Variants in LRRIQ1 observed in about 807,000 individuals in gnomAD.
LRRIQ1 encodes the protein leucine rich repeats and IQ motif containing 1.
LRRIQ1 carries 210 observed loss-of-function variants against 211.9 expected under a neutral mutation model. That is an observed-to-expected ratio of 0.99 (90% CI 0.89 to 1.11). The LOEUF is 1.11. Among genes scored for constraint, LRRIQ1 ranks in the 50% most tolerant of loss-of-function variants. The probability of loss-of-function intolerance (pLI) is 0.00; values close to 1 mark genes in which losing one functional copy is unlikely to be tolerated. For synonymous variants in LRRIQ1, 699 were observed against 650.1 expected (o/e 1.08, Z -1.14); for missense variants, 2,136 against 1,939.5 (o/e 1.10, Z -1.90).
At chr12:85,147,789 C>G (rs1006976258) in intron 19 of LRRIQ1, among the ~76,000 whole-genome samples, 1 of 151,256 alleles carries the variant, frequency 6.6e-6, no homozygotes, top group South Asian at 2.1e-4. Context: ...CAAGTGAAAC[C>G]TTTTGGGACC....
intron 3 of LRRIQ1, among the ~76,000 whole-genome samples, chr12:85,043,963 C>T (rs1471621589): frequency 2.6e-5 from 4 of 152,080 alleles, no homozygotes; most frequent in Non-Finnish European, 5.9e-5. Flanking sequence ...TATTTATGGA[C>T]ATAAACTAAA....
chr12:85,072,701 G>A (rs960248866), intron 10 of LRRIQ1, among the ~76,000 whole-genome samples: 6 of 150,330 alleles, frequency 4.0e-5, no homozygotes, highest in Admixed American at 4.0e-4. Flanking sequence ...TGTCCGATAT[G>A]GTTTATTTTT....
intron 24 of LRRIQ1, among the ~76,000 whole-genome samples, chr12:85,177,141 G>C (rs1481310292): frequency 6.6e-6 from 1 of 152,084 alleles, no homozygotes; most frequent in African/African-American, 2.4e-5. Context: ...AAATCTACAA[G>C]AATGAGCTCA....
intron 1 of LRRIQ1, chr12:85,262,798 C>A: frequency 2.8e-6 from 1 of 359,278 alleles, no homozygotes; most frequent in Non-Finnish European, 3.9e-6. Context: ...GTCTGTTAAA[C>A]TCCAAGATCA....
chr12:85,069,264 A>G (rs925411632), intron 10 of LRRIQ1, among the ~76,000 whole-genome samples: 1 of 152,062 alleles, frequency 6.6e-6, no homozygotes, highest in Admixed American at 6.6e-5. Context: ...CACAAAGGAC[A>G]TGAACCCATC....
intron 24 of LRRIQ1, among the ~76,000 whole-genome samples, chr12:85,168,070 C>G (rs907168068): frequency 1.8e-4 from 27 of 152,274 alleles, no homozygotes; most frequent in African/African-American, 4.6e-4. Flanking sequence ...CAAACAAGTT[C>G]TTAATGAAAT....
chr12:85,146,166 A>G (rs1019709733), intron 19 of LRRIQ1, among the ~76,000 whole-genome samples: 9 of 151,778 alleles, frequency 5.9e-5, no homozygotes, highest in South Asian at 2.1e-4. Flanking sequence ...GAATTACAGG[A>G]CAATTCTGCC....
At position 85,107,475 on chromosome 12, in the gene LRRIQ1, C is replaced by T. The variant is rs542460472; in HGVS notation, c.3377+860C>T. On this transcript the variant is annotated intron_variant, in intron 15 of 26. Coordinates refer to ENST00000393217, the MANE Select transcript of LRRIQ1 (RefSeq NM_001079910.2). ...AATGATTTTAAGATTTTCTCTTGATCACTGGTATTCAACAATTTGATTACA... is the reference window on the plus strand; with the variant it reads ...AATGATTTTAAGATTTTCTCTTGATTACTGGTATTCAACAATTTGATTACA... 3.3e-5 allele frequency among the ~76,000 whole-genome samples: 5 copies of T among 152,158 alleles called. No homozygotes were observed. In the South Asian group the frequency reaches 6.2e-4, roughly 19 times the overall value.
chr12:85,198,576 T>G (rs1009167233), intron 24 of LRRIQ1, among the ~76,000 whole-genome samples: 1 of 151,522 alleles, frequency 6.6e-6, no homozygotes, highest in Non-Finnish European at 1.5e-5. Context: ...GTTAAGCATT[T>G]TTTTTTTTTG....
intron 24 of LRRIQ1, among the ~76,000 whole-genome samples, chr12:85,168,680 A>G (rs1225526716): frequency 3.3e-5 from 5 of 152,054 alleles, no homozygotes; most frequent in South Asian, 4.1e-4. Flanking sequence ...AGAGTACCAT[A>G]TATTGGACAC....
intron 23 of LRRIQ1, among the ~76,000 whole-genome samples, chr12:85,159,763 T>C (rs1890763521): frequency 6.6e-6 from 1 of 152,034 alleles, no homozygotes; most frequent in Admixed American, 6.6e-5. Flanking sequence ...TCATTTTTTT[T>C]TGTAAATGAC....
chr12:85,229,015 G>C (rs1171756342), intron 24 of LRRIQ1, among the ~76,000 whole-genome samples: 1 of 152,108 alleles, frequency 6.6e-6, no homozygotes, highest in Non-Finnish European at 1.5e-5. Context: ...CTAGTCTTCA[G>C]TGTAACTCTG....
rs145082355 is a variant in LRRIQ1 at position 85,216,196 on chromosome 12, G to A, written c.4823-13321G>A. Among the ~76,000 whole-genome samples the A allele has an allele frequency of 3.1e-3, 466 of 152,092 alleles. 1 individual carries two copies. Among genetic ancestry groups the A allele is most frequent in the Non-Finnish European group, 4.4e-3 (299 of 67,968 alleles). On this transcript the variant is annotated intron_variant, in intron 24 of 26. Coordinates refer to ENST00000393217, the MANE Select transcript of LRRIQ1 (RefSeq NM_001079910.2). ...ACCCCCGCACCCCCTGACAGGCCCC[G>A]GTGTGTGATGTCCCCATCGCTGTGT...
intron 19 of LRRIQ1, among the ~76,000 whole-genome samples, chr12:85,147,811 T>C (rs1018822101): frequency 1.3e-5 from 2 of 151,340 alleles, no homozygotes; most frequent in African/African-American, 4.9e-5. Context: ...TCTCACCTTG[T>C]TGGTCATTGA....
exon 2 of LRRIQ1, chr12:85,263,979 T>C (rs1380795392): frequency 6.6e-6 from 1 of 152,042 alleles, no homozygotes; most frequent in Non-Finnish European, 1.5e-5. Flanking sequence ...AGTCTGGAAC[T>C]TTTTTCATAA....
At chr12:85,043,403 A>C (rs1045788149) in intron 3 of LRRIQ1, among the ~76,000 whole-genome samples, 1 of 152,102 alleles carries the variant, frequency 6.6e-6, no homozygotes, top group African/African-American at 2.4e-5. Flanking sequence ...AGGCACCTAC[A>C]TGTAGCCTCT....
chr12:85,239,341 A>G (rs1276110325), intron 26 of LRRIQ1, among the ~76,000 whole-genome samples: 3 of 139,474 alleles, frequency 2.2e-5, no homozygotes, highest in Non-Finnish European at 4.8e-5. Flanking sequence ...ATCCCCGGTA[A>G]TTGAAACTGT....
At chr12:85,265,743 TATTA>T (rs540903335), downstream of LRRIQ1, among the ~76,000 whole-genome samples, 278 of 152,164 alleles carry the variant, frequency 1.8e-3, 2 homozygotes, top group African/African-American at 6.3e-3. Flanking sequence ...AATAATGTTA[TATTA>T]ATTAAAATAA....
intron 10 of LRRIQ1, among the ~76,000 whole-genome samples, chr12:85,069,294 T>C (rs1457830143): frequency 1.3e-5 from 2 of 152,134 alleles, no homozygotes; most frequent in Non-Finnish European, 2.9e-5. Context: ...GGCTGCATAG[T>C]ATTCCATGGT....
Sources: gnomAD v4.1 joint callset for allele counts (sites outside exome capture counted in the v4.1 genomes callset) on GRCh38, gnomAD v4.1.1 for gene constraint, MANE v1.5 for transcripts, NCBI Gene and HGNC (gene_info 2026-07-23, HGNC 2026-07-21) for gene names.